The following WDR36 variants were observed in gnomAD, a reference collection of about 807,000 sequenced individuals.
WDR36 encodes WD repeat-containing protein 36.
Under a neutral mutation model 112.7 loss-of-function variants are expected in WDR36, and 63 were observed. The observed-to-expected ratio is 0.56, with a 90% confidence interval of 0.46 to 0.69. The LOEUF (loss-of-function observed/expected upper bound fraction) is 0.69. Ranked by LOEUF, WDR36 falls within the 30% of genes least tolerant of loss-of-function variation. The pLI is 0.00. For synonymous variants in WDR36, 410 were observed against 362.2 expected, an observed-to-expected ratio of 1.13 and a Z score of -1.50; for missense variants, 1,226 against 1,070.3, an observed-to-expected ratio of 1.15 and a Z score of -2.03.
chr5:111,111,339 C>T (rs1453539635), intron 15 of WDR36, 61 bp downstream of exon 15: 1 of 1,244,200 alleles, frequency 8.0e-7, no homozygotes, highest in African/African-American at 1.5e-5. Flanking sequence ...GGTGTGTTAT[C>T]CTTTAATAGC....
rs766383050 is a variant in WDR36, at chr5:111,127,113, G to C, written c.*230G>C. The C allele has an allele frequency of 9.8e-5, 39 of 398,050 alleles. No individual in the cohort carries two copies. Among genetic ancestry groups the C allele is most frequent in the Non-Finnish European group, 1.5e-4 (34 of 226,898 alleles). The allele number at this position is 398,050 out of a possible 1,614,324, so 24.7% of individuals were successfully genotyped here. ...GCACTTTCAGAGGCCAAAGCGGGAG[G>C]ATTGCTTGAAGCCAGGAATTTGAGC... is the stretch of plus-strand genomic sequence containing the variant. On this transcript the variant is annotated 3_prime_UTR_variant, in exon 23 of 23. Coordinates refer to ENST00000513710, the MANE Select transcript of WDR36 (RefSeq NM_139281.3).
intron 3 of WDR36, among the ~76,000 whole-genome samples, chr5:111,098,129 C>A (rs527575611): frequency 6.6e-6 from 1 of 152,200 alleles, no homozygotes; most frequent in East Asian, 1.9e-4. Context: ...GCGTCAGACA[C>A]TGTCAACTGT....
intron 19 of WDR36, among the ~76,000 whole-genome samples, chr5:111,122,695 A>C (rs368322147): frequency 1.3e-5 from 2 of 152,160 alleles, no homozygotes; most frequent in Non-Finnish European, 2.9e-5. Context: ...ATTTTATACC[A>C]TGGCTTCCCT....
intron 19 of WDR36, among the ~76,000 whole-genome samples, chr5:111,123,317 C>G (rs1194503106): frequency 6.6e-6 from 1 of 152,146 alleles, no homozygotes; most frequent in Non-Finnish European, 1.5e-5. Context: ...TAGAGCTGTA[C>G]TTTGAAAGGA....
intron 16 of WDR36, among the ~76,000 whole-genome samples, chr5:111,114,567 A>T (rs1370904693): frequency 6.6e-6 from 1 of 152,190 alleles, no homozygotes; most frequent in Non-Finnish European, 1.5e-5. Context: ...AGCTCTAATA[A>T]TCAGGGACCT....
chr5:111,099,812 C>G (rs968624940), intron 4 of WDR36, among the ~76,000 whole-genome samples: 2 of 151,958 alleles, frequency 1.3e-5, no homozygotes, highest in Non-Finnish European at 2.9e-5. Context: ...GGTACCCATA[C>G]CCTGGGATTG....
chr5:111,094,684 T>G (rs780725050), intron 1 of WDR36, among the ~76,000 whole-genome samples: 17 of 152,320 alleles, frequency 1.1e-4, no homozygotes, highest in Middle Eastern at 6.8e-3. Flanking sequence ...GCCTAAAATA[T>G]TTAATATTTG....
At chr5:111,095,864 A>G (rs1208045390) in intron 2 of WDR36, among the ~76,000 whole-genome samples, 1 of 152,088 alleles carries the variant, frequency 6.6e-6, no homozygotes, top group Admixed American at 6.5e-5. Flanking sequence ...TTTTTTTTAA[A>G]CTATCTAATA....
rs141363311 is a variant in WDR36 at position 111,092,389 on chromosome 5, C to T, written c.-68C>T. 1.4e-5 allele frequency: 23 copies of T among 1,614,222 alleles called. No homozygotes were observed. The highest frequency in any genetic ancestry group is 2.2e-5 in the South Asian group (2 of 91,088). ...TGGCAGAGGACTGTTCCACTAGACA[C>T]GCTGAAGGGACTGGGTACGTGTTTT... On this transcript the variant is annotated 5_prime_UTR_variant, in exon 1 of 23. The change creates a new upstream start codon in the 5' untranslated region. Transcript: ENST00000513710.
Position 111,092,507 on chromosome 5 carries a change from C to T in WDR36, c.51C>T (p.Phe17=). ...RRTASALFAG[F]RALGLFSNDI... is the part of the protein sequence containing the mutation. ...CGGCCAGCGCGCTTTTTGCGGGGTT[C>T]CGGGCCTTGGGACTTTTCAGCAACG... The change falls in exon 1 of 23, where the codon TTC becomes TTT. Residue 17 remains phenylalanine, a synonymous_variant. Transcript: ENST00000513710. 1 of 1,614,220 alleles carries T rather than the reference C, an allele frequency of 6.2e-7. No homozygotes were observed. The highest frequency in any genetic ancestry group is 8.5e-7 in the Non-Finnish European group (1 of 1,180,050).
intron 11 of WDR36, among the ~76,000 whole-genome samples, chr5:111,107,028 G>C (rs900215076): frequency 6.6e-6 from 1 of 151,304 alleles, no homozygotes; most frequent in South Asian, 2.1e-4. Flanking sequence ...TCTCTTGTTA[G>C]GTATGTTAAT....
intron 1 of WDR36, among the ~76,000 whole-genome samples, chr5:111,094,634 T>G (rs1205021876): frequency 3.3e-5 from 5 of 152,170 alleles, no homozygotes; most frequent in Non-Finnish European, 7.3e-5. Context: ...GTGGCAGAAG[T>G]GAGTAGTTGG....
In WDR36 at chr5:111,092,464, G is replaced by A. The variant is rs765603613; in HGVS notation, c.8G>A (p.Arg3Gln). The stretch of plus-strand genomic sequence containing the variant: ...GCTGGGATCGCGGCGGCAATGGAAC[G>A]GGCCTCAGAAAGGCGCACGGCCAGC... The part of the protein sequence containing the change: ME[R>Q]ASERRTASAL... Residue 3 changes from arginine (R) to glutamine (Q), a missense_variant, in exon 1 of 23, where the codon CGG (arginine) becomes CAG (glutamine). Transcript: ENST00000513710. The A allele has an allele frequency of 6.2e-7, 1 of 1,614,236 alleles. No individual in the cohort carries two copies. The highest frequency in any genetic ancestry group is 8.5e-7 in the Non-Finnish European group (1 of 1,180,052).
chr5:111,107,465 TC>T (rs1409528393), intron 12 of WDR36, 26 bp downstream of exon 12: 2 of 1,607,558 alleles, frequency 1.2e-6, no homozygotes, highest in Non-Finnish European at 1.7e-6. Context: ...TATAAGAGTA[TC>T]TTCTCTTTAA....
rs767154996 is a variant in WDR36 at position 111,124,418 on chromosome 5, AACTT to A, written c.2350+234_2350+237del. Among the ~76,000 whole-genome samples, 10 of 152,276 alleles carry A rather than the reference AACTT, an allele frequency of 6.6e-5. 1 individual carries two copies. The highest frequency in any genetic ancestry group is 3.9e-4 in the East Asian group (2 of 5,188). ...TCTGTTGAAGATTTTTCATATATCT[AACTT>A]ACTTTTTGCTATTGGAGATGGACAC... On this transcript the variant is annotated intron_variant, in intron 21 of 22. Transcript: ENST00000513710.
At chr5:111,120,436 G>T (rs1753541772) in intron 17 of WDR36, 60 bp from the exon 18 acceptor site, 17 of 1,309,610 alleles carry the variant, frequency 1.3e-5, no homozygotes, top group Admixed American at 8.4e-5. Context: ...ATTGTAGAGT[G>T]TTTCTCTGAA....
intron 1 of WDR36, among the ~76,000 whole-genome samples, chr5:111,093,013 T>C (rs1028503554): frequency 6.6e-6 from 1 of 152,242 alleles, no homozygotes; most frequent in Non-Finnish European, 1.5e-5. Context: ...AGTTAGAAAT[T>C]CACTCTAGGT....
In WDR36 at chr5:111,120,591, A is replaced by C. The variant is rs1366902791; in HGVS notation, c.2000A>C (p.Gln667Pro). The C allele has an allele frequency of 6.2e-7, 1 of 1,608,888 alleles. No homozygotes were observed. Among genetic ancestry groups the C allele is most frequent in the Non-Finnish European group, 8.5e-7 (1 of 1,175,600 alleles). The change falls in exon 18 of 23, where the codon CAA becomes CCA. Residue 667 changes from glutamine (Q) to proline (P), a missense_variant and splice_region_variant. Gln to Pro is a moderately conservative substitution (Grantham distance 76). Transcript: ENST00000513710. ...ATGCTTCCTGGTACTTGTCAAACCC[A>C]AGGTAATTAGAAAATTGCAAAGTAA... ...IVMLPGTCQT[Q>P]DVEVSEETVE...
At chr5:111,101,928 C>A (rs1483798992) in intron 5 of WDR36, among the ~76,000 whole-genome samples, 1 of 151,638 alleles carries the variant, frequency 6.6e-6, no homozygotes, top group Non-Finnish European at 1.5e-5. Flanking sequence ...TGACTTGCTT[C>A]TGAAATTGAG....
Sources: gnomAD v4.1 joint callset for allele counts (sites outside exome capture counted in the v4.1 genomes callset) on GRCh38, gnomAD v4.1.1 for gene constraint, MANE v1.5 for transcripts, NCBI Gene and HGNC (gene_info 2026-07-23, HGNC 2026-07-21) for gene names.